The following MACROD2 variants were observed in gnomAD, a reference collection of about 807,000 sequenced individuals.
MACROD2 encodes mono-ADP ribosylhydrolase 2.
A neutral mutation model predicts 70.4 loss-of-function variants in MACROD2; 36 were observed. The ratio of observed to expected loss-of-function variants is 0.51; its 90% CI spans 0.39 to 0.68. The LOEUF (loss-of-function observed/expected upper bound fraction) is 0.68. MACROD2 is among the 30% of genes least tolerant of loss of function. The pLI is 0.00. For synonymous variants in MACROD2, 172 were observed against 178.8 expected, an observed-to-expected ratio of 0.96 and a Z score of 0.30; for missense variants, 496 against 538.4, an observed-to-expected ratio of 0.92 and a Z score of 0.78.
chr20:15,988,732 A>C (rs1481131996), intron 15 of MACROD2, among the ~76,000 whole-genome samples: 1 of 152,152 alleles, frequency 6.6e-6, no homozygotes, highest in East Asian at 1.9e-4. Flanking sequence ...TTCTTTATTA[A>C]AATTTGACTT....
rs1301468821 is a variant in MACROD2 at position 13,995,549 on chromosome 20, G to C, written c.-215G>C. The C allele has an allele frequency of 3.1e-6, 2 of 637,888 alleles. No individual in the cohort carries two copies. The highest frequency in any genetic ancestry group is 5.8e-6 in the Non-Finnish European group (2 of 347,676). 39.5% of individuals were successfully genotyped at this position (637,888 alleles called of 1,614,324 possible). A position where few individuals can be genotyped will look rare whatever the true frequency, so the allele number is the denominator to read the frequency against. On this transcript the variant is annotated 5_prime_UTR_variant, in exon 1 of 18. Coordinates refer to ENST00000684519, the MANE Select transcript of MACROD2 (RefSeq NM_001351661.2). The surrounding 1 kb of genome is among the most constrained non-coding windows in gnomAD (Gnocchi z 4.3). ...CTGAGGTGCTGCTGTGGCGGCGTCC[G>C]CGGGGCTGAGGCGGGTGGGAGCCGG...
intron 3 of MACROD2, among the ~76,000 whole-genome samples, chr20:14,411,726 T>C (rs1236202302): frequency 6.6e-6 from 1 of 152,066 alleles, no homozygotes; most frequent in Non-Finnish European, 1.5e-5. Flanking sequence ...TTATTTTTCT[T>C]CTCAGTTCAA....
intron 8 of MACROD2, among the ~76,000 whole-genome samples, chr20:15,623,678 G>GCCTA (rs2049159001): frequency 1.9e-5 from 2 of 105,098 alleles, no homozygotes; most frequent in South Asian, 6.1e-4. Flanking sequence ...CAAGTTATCT[G>GCCTA]CCTATCTATC....
At chr20:15,834,425 C>A (rs556137896) in intron 8 of MACROD2, among the ~76,000 whole-genome samples, 29 of 152,146 alleles carry the variant, frequency 1.9e-4, no homozygotes, top group Non-Finnish European at 3.8e-4. Context: ...ATCCCATTCC[C>A]AACTACCAAG....
chr20:14,365,188 C>T (rs1303428629), intron 3 of MACROD2, among the ~76,000 whole-genome samples: 3 of 151,950 alleles, frequency 2.0e-5, no homozygotes, highest in Non-Finnish European at 2.9e-5. Flanking sequence ...CTTCTTTAGT[C>T]AGTTTTGGCA....
chr20:15,692,059 T>C (rs2050305582), intron 8 of MACROD2, among the ~76,000 whole-genome samples: 1 of 152,166 alleles, frequency 6.6e-6, no homozygotes, highest in Non-Finnish European at 1.5e-5. Context: ...ATGGAGAGAA[T>C]ATGCTGATCG....
intron 17 of MACROD2, among the ~76,000 whole-genome samples, chr20:16,046,532 C>T (rs1048515742): frequency 6.6e-6 from 1 of 151,994 alleles, no homozygotes; most frequent in African/African-American, 2.4e-5. Flanking sequence ...TTTTTTCTTA[C>T]AGACATTATT....
intron 3 of MACROD2, among the ~76,000 whole-genome samples, chr20:14,434,015 A>T (rs1412924557): frequency 6.6e-6 from 1 of 152,138 alleles, no homozygotes; most frequent in African/African-American, 2.4e-5. Context: ...TATGCAATTT[A>T]TGGATTTTCT....
At chr20:15,557,974 T>C (rs965335739) in intron 8 of MACROD2, among the ~76,000 whole-genome samples, 1 of 152,212 alleles carries the variant, frequency 6.6e-6, no homozygotes, top group Non-Finnish European at 1.5e-5. Context: ...AATAATCTAA[T>C]GTGTGGCTAC....
intron 2 of MACROD2, among the ~76,000 whole-genome samples, chr20:14,063,481 T>C (rs1428808143): frequency 6.6e-6 from 1 of 152,164 alleles, no homozygotes; most frequent in Non-Finnish European, 1.5e-5. Context: ...ACAGGTTGAG[T>C]ATCTCTAATC....
intron 3 of MACROD2, among the ~76,000 whole-genome samples, chr20:14,143,973 AG>A (rs763440754): frequency 6.6e-6 from 1 of 152,178 alleles, no homozygotes; most frequent in African/African-American, 2.4e-5. Flanking sequence ...CACTGGGCAA[AG>A]GTTTTTTTCC....
chr20:15,431,699 A>C (rs1028446416), intron 7 of MACROD2, among the ~76,000 whole-genome samples: 7 of 152,066 alleles, frequency 4.6e-5, no homozygotes, highest in African/African-American at 1.2e-4. Context: ...ATTTGGTTCC[A>C]GTAGGATTGA....
At chr20:15,263,617 G>A (rs1322339409) in intron 6 of MACROD2, among the ~76,000 whole-genome samples, 4 of 151,926 alleles carry the variant, frequency 2.6e-5, no homozygotes, top group Non-Finnish European at 5.9e-5. Flanking sequence ...ATCTCGCTTT[G>A]GGTAATATGG....
chr20:14,631,959 A>C (rs1984538492), intron 4 of MACROD2: 1 of 152,176 alleles, frequency 6.6e-6, no homozygotes, highest in Admixed American at 6.5e-5. Flanking sequence ...AGTAAGAAAA[A>C]ATTTCAGTTG....
At chr20:15,342,465 G>A (rs1244611007) in intron 6 of MACROD2, among the ~76,000 whole-genome samples, 3 of 152,164 alleles carry the variant, frequency 2.0e-5, no homozygotes, top group African/African-American at 7.2e-5. Flanking sequence ...CAGCATCCCT[G>A]TAGTAGGAAT....
intron 8 of MACROD2, among the ~76,000 whole-genome samples, chr20:15,540,838 A>G (rs1181673362): frequency 6.6e-6 from 1 of 152,050 alleles, no homozygotes; most frequent in African/African-American, 2.4e-5. Flanking sequence ...CATCAGCCCA[A>G]TCTCCTGCCT....
At chr20:14,679,997 C>A (rs1915598319) in intron 4 of MACROD2, among the ~76,000 whole-genome samples, 1 of 152,128 alleles carries the variant, frequency 6.6e-6, no homozygotes, top group African/African-American at 2.4e-5. Context: ...TGAGTGAGAG[C>A]CACATTTAAG....
chr20:15,711,812 T>C (rs2050633805), intron 8 of MACROD2, among the ~76,000 whole-genome samples: 2 of 152,310 alleles, frequency 1.3e-5, no homozygotes, highest in African/African-American at 4.8e-5. Flanking sequence ...TCATGAAGGT[T>C]CCCATTTTGC....
intron 15 of MACROD2, among the ~76,000 whole-genome samples, chr20:16,034,175 A>G (rs1364283260): frequency 2.6e-5 from 4 of 152,054 alleles, no homozygotes; most frequent in Non-Finnish European, 1.5e-5. Context: ...TAGAAGTTAA[A>G]TTTATTTAGT....
Sources: gnomAD v4.1 joint callset for allele counts (sites outside exome capture counted in the v4.1 genomes callset) on GRCh38, gnomAD v4.1.1 for gene constraint, Gnocchi (gnomAD v3.1) non-coding constraint, MANE v1.5 for transcripts, NCBI Gene and HGNC (gene_info 2026-07-23, HGNC 2026-07-21) for gene names.